DNMT3B: variants seen among roughly 807,000 people sequenced by gnomAD.
DNMT3B encodes the protein DNA (cytosine-5)-methyltransferase 3B.
Under a neutral mutation model 120.2 loss-of-function variants are expected in DNMT3B, and 37 were observed. That is an observed-to-expected ratio of 0.31 (90% CI 0.24 to 0.40). The LOEUF is 0.40. Among genes scored for constraint, DNMT3B ranks in the 10% least tolerant of loss-of-function variants. The pLI, the probability that DNMT3B is intolerant of heterozygous loss-of-function variation, is 1.00. For missense variants in DNMT3B, 878 were observed against 1,137.3 expected (o/e 0.77, Z 3.28); for synonymous variants, 412 against 442.8 (o/e 0.93, Z 0.87).
intron 22 of DNMT3B, 129 bp from the exon 23 acceptor site, chr20:32,807,633 G>A: frequency 1.4e-6 from 2 of 1,379,736 alleles, no homozygotes; most frequent in Non-Finnish European, 2.0e-6. Context: ...TCTGAATTTA[G>A]GTCCTTGGGG....
intron 10 of DNMT3B, among the ~76,000 whole-genome samples, chr20:32,794,936 G>T (rs1980429739): frequency 6.6e-6 from 1 of 152,088 alleles, no homozygotes; most frequent in Non-Finnish European, 1.5e-5. Context: ...TTCATAAAAC[G>T]TGCATTTGAG....
At chr20:32,773,328 G>A (rs1342365528) in intron 1 of DNMT3B, among the ~76,000 whole-genome samples, 1 of 152,168 alleles carries the variant, frequency 6.6e-6, no homozygotes, top group East Asian at 1.9e-4. Context: ...CAAGGGCCCA[G>A]CTTCTACTGT....
intron 19 of DNMT3B, 148 bp downstream of exon 19, chr20:32,801,574 T>C (rs192755137): frequency 1.7e-4 from 179 of 1,073,556 alleles, no homozygotes; most frequent in Non-Finnish European, 1.8e-4. Context: ...TTCAGTGGGT[T>C]CTCTTAGTAC....
At chr20:32,800,558 A>C (rs1981209307) in intron 17 of DNMT3B, among the ~76,000 whole-genome samples, 1 of 152,088 alleles carries the variant, frequency 6.6e-6, no homozygotes, top group African/African-American at 2.4e-5. Context: ...TCCCGGGTTT[A>C]AGCGATTCTC....
At chr20:32,790,735 G>C (rs1979880175) in intron 7 of DNMT3B, among the ~76,000 whole-genome samples, 1 of 152,014 alleles carries the variant, frequency 6.6e-6, no homozygotes, top group African/African-American at 2.4e-5. Flanking sequence ...CAGTGGCACT[G>C]TCTTGGCTCA....
chr20:32,765,264 C>T (rs112732826), intron 1 of DNMT3B, among the ~76,000 whole-genome samples: 22 of 152,166 alleles, frequency 1.4e-4, no homozygotes, highest in Middle Eastern at 3.4e-3. Context: ...ATTTCATGTG[C>T]AGGCCACTCT....
chr20:32,787,940 T>G (rs902689953), intron 6 of DNMT3B, among the ~76,000 whole-genome samples: 2 of 150,708 alleles, frequency 1.3e-5, no homozygotes, highest in Non-Finnish European at 3.0e-5. Context: ...GGAGTGGGGG[T>G]CTCAAGGTGC....
chr20:32,795,368 C>T (rs764158077), intron 10 of DNMT3B, 41 bp from the exon 11 acceptor site: 10 of 1,613,202 alleles, frequency 6.2e-6, no homozygotes, highest in Non-Finnish European at 6.8e-6. Context: ...TCTCTGGACC[C>T]TCCTACCAAG....
At chr20:32,801,476 G>A in intron 19 of DNMT3B, 50 bp downstream of exon 19, 1 of 1,611,584 alleles carries the variant, frequency 6.2e-7, no homozygotes, top group Non-Finnish European at 8.5e-7. Context: ...GGCAGGGAAA[G>A]CGCTGCTGGC....
In DNMT3B at chr20:32,801,402, G is replaced by A. The variant is rs148426496; in HGVS notation, c.2121G>A (p.Lys707=). 111 of 1,614,136 alleles carry A rather than the reference G, an allele frequency of 6.9e-5. No homozygotes were observed. The African/African-American group carries it at 1.4e-3, about 20-fold the overall frequency. The change falls in exon 19 of 23, where the codon AAG becomes AAA. Residue 707 remains lysine, a synonymous_variant. Transcript: ENST00000328111. ...TTGTAGCCATGAAGGTTGGCGACAA[G>A]AGGGACATCTCACGGTTCCTGGAGG... ...ENVVAMKVGD[K]RDISRFLECN...
intron 16 of DNMT3B, among the ~76,000 whole-genome samples, chr20:32,799,684 A>ATT (rs1274268609): frequency 6.6e-6 from 1 of 151,988 alleles, no homozygotes; most frequent in African/African-American, 2.4e-5. Context: ...CGCCCAGCTA[A>ATT]TTTTTATATT....
intron 5 of DNMT3B, 132 bp from the exon 6 acceptor site, chr20:32,787,098 C>A: frequency 9.1e-7 from 1 of 1,097,800 alleles, no homozygotes; most frequent in Non-Finnish European, 1.4e-6. Flanking sequence ...AAAGTTTCTT[C>A]AGCGGTCTCT....
At position 32,762,522 on chromosome 20, in the gene DNMT3B, C is replaced by T. The variant is rs771133296; in HGVS notation, c.-184C>T. On this transcript the variant is annotated 5_prime_UTR_variant, in exon 1 of 23. Coordinates refer to ENST00000328111, the MANE Select transcript of DNMT3B (RefSeq NM_006892.4). ...GCTCCCTGGCGGTCGGGCGAGCGGGCGGCAACGCTGCCCGGCCGGCAGCGC... is the reference window on the plus strand; with the variant it reads ...GCTCCCTGGCGGTCGGGCGAGCGGGTGGCAACGCTGCCCGGCCGGCAGCGC... 3 of 314,522 alleles carry T rather than the reference C, an allele frequency of 9.5e-6. No individual in the cohort carries two copies. Among genetic ancestry groups the T allele is most frequent in the Admixed American group, 3.2e-5 (1 of 30,864 alleles). 19.5% of individuals were successfully genotyped at this position (314,522 alleles called of 1,614,324 possible). A position where few individuals can be genotyped will look rare whatever the true frequency, so the allele number is the denominator to read the frequency against.
intron 3 of DNMT3B, 46 bp from the exon 4 acceptor site, chr20:32,784,712 T>C (rs1979043599): frequency 6.2e-7 from 1 of 1,606,120 alleles, no homozygotes; most frequent in Non-Finnish European, 8.5e-7. Context: ...TTTGACTTGC[T>C]GATACCCTGG....
chr20:32,793,017 C>T lies in DNMT3B; in HGVS notation c.1066+247C>T, dbSNP rs80046557. Among the ~76,000 whole-genome samples, 456 of 152,344 alleles carry T rather than the reference C, an allele frequency of 3.0e-3. 2 individuals are homozygous for T. The highest frequency in any genetic ancestry group is 0.01 in the African/African-American group (427 of 41,580). On this transcript the variant is annotated intron_variant, in intron 9 of 22. Coordinates refer to ENST00000328111, the MANE Select transcript of DNMT3B (RefSeq NM_006892.4). Reference sequence around the variant, plus strand: ...TTGAATCTGACATCTGTCTTGAAGTCAGGATGCAGTGTTGACTAGCACCTT... The same window carrying T: ...TTGAATCTGACATCTGTCTTGAAGTTAGGATGCAGTGTTGACTAGCACCTT...
chr20:32,769,846 A>G (rs527610251), intron 1 of DNMT3B, among the ~76,000 whole-genome samples: 8 of 152,204 alleles, frequency 5.3e-5, no homozygotes, highest in Admixed American at 5.2e-4. Flanking sequence ...TCCTGAATTC[A>G]AGCAGGAACC....
At chr20:32,798,436 C>T in intron 14 of DNMT3B, 24 bp from the exon 15 acceptor site, 1 of 1,613,960 alleles carries the variant, frequency 6.2e-7, no homozygotes, top group Non-Finnish European at 8.5e-7. Flanking sequence ...CAAAGGCATC[C>T]CTTCTCCCTG....
intron 6 of DNMT3B, 137 bp from the exon 7 acceptor site, chr20:32,788,717 G>C: frequency 9.0e-7 from 1 of 1,117,240 alleles, no homozygotes; most frequent in Non-Finnish European, 1.3e-6. Context: ...AGAATTACAG[G>C]CATGAACCAC....
At position 32,798,456 on chromosome 20, in the gene DNMT3B, C is replaced by A; in HGVS notation, c.1491-4C>A. The A allele has an allele frequency of 1.2e-6, 2 of 1,614,180 alleles. No homozygotes were observed. The highest frequency in any genetic ancestry group is 2.2e-5 in the East Asian group (1 of 44,888). ...GCATCCCTTCTCCCTGCCACTGGGTCCAGGTGTTTCTGTGTGGAGTGCCTG... is the reference window on the plus strand; with the variant it reads ...GCATCCCTTCTCCCTGCCACTGGGTACAGGTGTTTCTGTGTGGAGTGCCTG... On this transcript the variant is annotated splice_region_variant and splice_polypyrimidine_tract_variant and intron_variant, in intron 14 of 22. Transcript: ENST00000328111.
Sources: gnomAD v4.1 joint callset for allele counts (sites outside exome capture counted in the v4.1 genomes callset) on GRCh38, gnomAD v4.1.1 for gene constraint, MANE v1.5 for transcripts, NCBI Gene and HGNC (gene_info 2026-07-23, HGNC 2026-07-21) for gene names.